The following TBX4 variants were observed in gnomAD, a reference collection of about 807,000 sequenced individuals.
TBX4 encodes the protein T-box transcription factor 4.
TBX4 carries 13 observed loss-of-function variants against 54.6 expected under a neutral mutation model. The ratio of observed to expected loss-of-function variants is 0.24; its 90% CI spans 0.15 to 0.38. The LOEUF (loss-of-function observed/expected upper bound fraction) is 0.38, where lower values mean the gene tolerates loss of function less well. Among genes scored for constraint, TBX4 ranks in the 10% least tolerant of loss-of-function variants. The pLI is 1.00. For missense variants in TBX4, 631 were observed against 728.5 expected (o/e 0.87, Z 1.54); for synonymous variants, 314 against 306.7 (o/e 1.02, Z -0.25).
chr17:61,457,989 AT>A lies in TBX4; in HGVS notation c.281+360del, dbSNP rs2060466529. Among the ~76,000 whole-genome samples, 1 of 152,186 alleles carries A rather than the reference AT, an allele frequency of 6.6e-6. No homozygotes were observed. The highest frequency in any genetic ancestry group is 1.5e-5 in the Non-Finnish European group (1 of 68,030). On this transcript the variant is annotated intron_variant, in intron 3 of 8. Coordinates refer to ENST00000644296, the MANE Select transcript of TBX4 (RefSeq NM_001321120.2). This position sits in a 1 kb window ranked among gnomAD's most constrained non-coding sequence, Gnocchi z 8.2. ...GAGGAGGTTTCTCAGGAATGCATTG[AT>A]TGGAGACCCAGAGATGCCTCTCAGC...
At chr17:61,455,369 G>A (rs978335373) in intron 1 of TBX4, among the ~76,000 whole-genome samples, 1 of 152,228 alleles carries the variant, frequency 6.6e-6, no homozygotes, top group African/African-American at 2.4e-5. Flanking sequence ...CAGACCTACA[G>A]AAAGCTCCGC....
rs1603250784 is a variant in TBX4 at position 61,465,258 on chromosome 17, G to C, written c.282-561G>C. ...AAGAACCCAAACCTAGCAGGGTTTTGGACAGCAGTCTCCTGTTTTCCTGCA... is the reference window on the plus strand; with the variant it reads ...AAGAACCCAAACCTAGCAGGGTTTTCGACAGCAGTCTCCTGTTTTCCTGCA... On this transcript the variant is annotated intron_variant, in intron 3 of 8. Coordinates refer to ENST00000644296, the MANE Select transcript of TBX4 (RefSeq NM_001321120.2). This position sits in a 1 kb window ranked among gnomAD's most constrained non-coding sequence, Gnocchi z 4.9. Among the ~76,000 whole-genome samples the C allele has an allele frequency of 6.6e-6, 1 of 152,192 alleles. No individual in the cohort carries two copies. Among genetic ancestry groups the C allele is most frequent in the Non-Finnish European group, 1.5e-5 (1 of 68,036 alleles).
At position 61,460,745 on chromosome 17, in the gene TBX4, T is replaced by C. The variant is rs1173861091; in HGVS notation, c.281+3114T>C. Among the ~76,000 whole-genome samples the C allele has an allele frequency of 2.6e-5, 4 of 152,104 alleles. No individual in the cohort carries two copies. The highest frequency in any genetic ancestry group is 1.3e-4 in the Admixed American group (2 of 15,278). On this transcript the variant is annotated intron_variant, in intron 3 of 8. Transcript: ENST00000644296. This position sits in a 1 kb window ranked among gnomAD's most constrained non-coding sequence, Gnocchi z 4.4. ...AGTGAGCTCCACAAAAAAATTTAAA[T>C]ATAAACCTCCCCAAAATGAAAATTG...
chr17:61,482,927 G>A lies in TBX4; in HGVS notation c.1052G>A (p.Cys351Tyr). The part of the protein sequence containing the change: ...ADGTRHLDLP[C>Y]KRSYLEAPSS... ...GGTACCCGCCACCTGGACTTACCTT[G>A]CAAGCGATCCTATCTGGAAGCCCCC... is the stretch of plus-strand genomic sequence containing the variant. Residue 351 changes from cysteine to tyrosine, a missense_variant, in exon 9 of 9, where the codon TGC (cysteine) becomes TAC (tyrosine). By Grantham distance (194) the Cys-to-Tyr change is radical. Coordinates refer to ENST00000644296, the MANE Select transcript of TBX4 (RefSeq NM_001321120.2). The A allele has an allele frequency of 1.2e-6, 2 of 1,613,854 alleles. No individual in the cohort carries two copies. Among genetic ancestry groups the A allele is most frequent in the Non-Finnish European group, 1.7e-6 (2 of 1,179,908 alleles).
At position 61,476,803 on chromosome 17, in the gene TBX4, T is replaced by C. The variant is rs2060623681; in HGVS notation, c.550-1824T>C. Among the ~76,000 whole-genome samples the C allele has an allele frequency of 6.6e-6, 1 of 152,204 alleles. No individual in the cohort carries two copies. Among genetic ancestry groups the C allele is most frequent in the African/African-American group, 2.4e-5 (1 of 41,442 alleles). ...GGCAGAAAGTGTGGTTCCTGCTGGATGGAGTCACCCAGCTCAACCGAGGAG... is the reference window on the plus strand; with the variant it reads ...GGCAGAAAGTGTGGTTCCTGCTGGACGGAGTCACCCAGCTCAACCGAGGAG... On this transcript the variant is annotated intron_variant, in intron 5 of 8. Transcript: ENST00000644296. The surrounding 1 kb of genome is among the most constrained non-coding windows in gnomAD (Gnocchi z 6.5).
At position 61,474,141 on chromosome 17, in the gene TBX4, G is replaced by A. The variant is rs2060600780; in HGVS notation, c.550-4486G>A. On this transcript the variant is annotated intron_variant, in intron 5 of 8. Transcript: ENST00000644296. This position sits in a 1 kb window ranked among gnomAD's most constrained non-coding sequence, Gnocchi z 4.6. The stretch of plus-strand genomic sequence containing the variant: ...GCTGGGGAGGATCAGAAGGATGATG[G>A]AGAAGGTAGTCACAGAAAATAAAAT... Among the ~76,000 whole-genome samples, 1 of 152,188 alleles carries A rather than the reference G, an allele frequency of 6.6e-6. No homozygotes were observed.
At position 61,457,766 on chromosome 17, in the gene TBX4, C is replaced by T. The variant is rs2060464013; in HGVS notation, c.281+135C>T. The T allele has an allele frequency of 1.2e-5, 10 of 815,680 alleles. No homozygotes were observed. The highest frequency in any genetic ancestry group is 2.0e-5 in the Non-Finnish European group (10 of 508,238). 50.5% of individuals were successfully genotyped at this position (815,680 alleles called of 1,614,324 possible). On this transcript the variant is annotated intron_variant, in intron 3 of 8. Coordinates refer to ENST00000644296, the MANE Select transcript of TBX4 (RefSeq NM_001321120.2). This position sits in a 1 kb window ranked among gnomAD's most constrained non-coding sequence, Gnocchi z 8.2. ...TCTGCCTCCTCGGGCGTCAGTGCCACCTCCCTTCGCAGCTTGGGACTGGGC... is the reference window on the plus strand; with the variant it reads ...TCTGCCTCCTCGGGCGTCAGTGCCATCTCCCTTCGCAGCTTGGGACTGGGC...
In TBX4 at chr17:61,465,792, C is replaced by A. The variant is rs1253389460; in HGVS notation, c.282-27C>A. 6.2e-7 allele frequency: 1 copy of A among 1,613,546 alleles called. No homozygotes were observed. Among genetic ancestry groups the A allele is most frequent in the South Asian group, 1.1e-5 (1 of 91,072 alleles). On this transcript the variant is annotated intron_variant, in intron 3 of 8. Transcript: ENST00000644296. This position sits in a 1 kb window ranked among gnomAD's most constrained non-coding sequence, Gnocchi z 4.9. ...TCTCTCCTGGTGCTCTGTCCACACG[C>A]TCCGCCTCACCCCTCGGCTCCCCCA...
chr17:61,465,183 G>C lies in TBX4; in HGVS notation c.282-636G>C, dbSNP rs931960740. On this transcript the variant is annotated intron_variant, in intron 3 of 8. Transcript: ENST00000644296. This position sits in a 1 kb window ranked among gnomAD's most constrained non-coding sequence, Gnocchi z 4.9. ...TTTCCCCTGATACTCAGGGTGCACA[G>C]GTCCAGGTGAGGTGTTCACAGGGAG... 3.3e-5 allele frequency among the ~76,000 whole-genome samples: 5 copies of C among 152,152 alleles called. No homozygotes were observed. The highest frequency in any genetic ancestry group is 1.2e-4 in the African/African-American group (5 of 41,416).
In TBX4 at chr17:61,461,570, C is replaced by A. The variant is rs1036159579; in HGVS notation, c.281+3939C>A. ...GCTCCAAGGCGCCTGTGTATGTGTA[C>A]ACACATATATAATTTTTAACCTAAA... On this transcript the variant is annotated intron_variant, in intron 3 of 8. Transcript: ENST00000644296. The surrounding 1 kb of genome is among the most constrained non-coding windows in gnomAD (Gnocchi z 5.1). Among the ~76,000 whole-genome samples, 10 of 152,152 alleles carry A rather than the reference C, an allele frequency of 6.6e-5. No homozygotes were observed. The highest frequency in any genetic ancestry group is 6.5e-4 in the Admixed American group (10 of 15,278).
chr17:61,456,788 G>A, intron 2 of TBX4, 112 bp downstream of exon 2: 2 of 831,744 alleles, frequency 2.4e-6, no homozygotes, highest in Non-Finnish European at 3.2e-6. Context: ...GGAGGACCTG[G>A]CTGCATTCAG....
rs550334195 is a variant in TBX4, at chr17:61,480,153, A to G, written c.855A>G (p.Ser285=). Reference sequence around the variant, plus strand: ...AGAGGCTCATCTCCCCCCAGCTCTCAGCCACACCGGACGTGGGCCCCCTGC... The same window carrying G: ...AGAGGCTCATCTCCCCCCAGCTCTCGGCCACACCGGACGTGGGCCCCCTGC... The part of the protein sequence containing the change: ...MRQRLISPQL[S]ATPDVGPLLG... The change falls in exon 8 of 9, where the codon TCA becomes TCG. Residue 285 remains serine, a synonymous_variant. Transcript: ENST00000644296. This position sits in a 1 kb window ranked among gnomAD's most constrained non-coding sequence, Gnocchi z 6.2. 2 of 1,614,040 alleles carry G rather than the reference A, an allele frequency of 1.2e-6. No individual in the cohort carries two copies. Among genetic ancestry groups the G allele is most frequent in the South Asian group, 2.2e-5 (2 of 91,070 alleles).
intron 5 of TBX4, among the ~76,000 whole-genome samples, chr17:61,477,955 A>G (rs574586788): frequency 3.8e-4 from 58 of 151,538 alleles, no homozygotes; most frequent in African/African-American, 1.1e-3. Context: ...AAAAAAAAAA[A>G]AAAAGAAAAA....
chr17:61,453,494 AC>A (rs1344487452), intron 1 of TBX4, among the ~76,000 whole-genome samples: 1 of 152,202 alleles, frequency 6.6e-6, no homozygotes, highest in Non-Finnish European at 1.5e-5. Flanking sequence ...ATAAATAAAG[AC>A]ATATTAACAA....
rs980448361 is a variant in TBX4, at chr17:61,474,617, G to C, written c.550-4010G>C. Among the ~76,000 whole-genome samples, 8 of 152,210 alleles carry C rather than the reference G, an allele frequency of 5.3e-5. No homozygotes were observed. Among genetic ancestry groups the C allele is most frequent in the African/African-American group, 1.7e-4 (7 of 41,450 alleles). Reference sequence around the variant, plus strand: ...AATTGCAGTTGTTAAAATAGAACAGGCTTCTGAATTGTGGCCAGAACATAA... The same window carrying C: ...AATTGCAGTTGTTAAAATAGAACAGCCTTCTGAATTGTGGCCAGAACATAA... On this transcript the variant is annotated intron_variant, in intron 5 of 8. Coordinates refer to ENST00000644296, the MANE Select transcript of TBX4 (RefSeq NM_001321120.2). This position sits in a 1 kb window ranked among gnomAD's most constrained non-coding sequence, Gnocchi z 4.6.
Position 61,459,291 on chromosome 17 carries a change from G to A in TBX4, c.281+1660G>A, listed in dbSNP as rs577305208. Reference sequence around the variant, plus strand: ...AATGGTGACCGTAGACCTATCTGCTGTCCCTTCCTTTTCTATCACTGTGAA... The same window carrying A: ...AATGGTGACCGTAGACCTATCTGCTATCCCTTCCTTTTCTATCACTGTGAA... On this transcript the variant is annotated intron_variant, in intron 3 of 8. Transcript: ENST00000644296. The surrounding 1 kb of genome is among the most constrained non-coding windows in gnomAD (Gnocchi z 4.8). 5.3e-4 allele frequency among the ~76,000 whole-genome samples: 81 copies of A among 152,328 alleles called. No individual in the cohort carries two copies. Among genetic ancestry groups the A allele is most frequent in the Non-Finnish European group, 1.0e-4 (7 of 68,034 alleles).
rs2060588618 is a variant in TBX4, at chr17:61,472,620, ATTGACCAGTCTT to A, written c.549+4966_549+4977del. 1.3e-5 allele frequency among the ~76,000 whole-genome samples: 2 copies of A among 152,188 alleles called. No individual in the cohort carries two copies. Among genetic ancestry groups the A allele is most frequent in the African/African-American group, 4.8e-5 (2 of 41,442 alleles). ...TTCCCACACCGATGCTTTTGATTGA[ATTGACCAGTCTT>A]TTCCTTATAGATTTTGGATTTTGAG... On this transcript the variant is annotated intron_variant, in intron 5 of 8. Transcript: ENST00000644296. The surrounding 1 kb of genome is among the most constrained non-coding windows in gnomAD (Gnocchi z 4.5).
In TBX4 at chr17:61,472,193, A is replaced by G. The variant is rs1225974361; in HGVS notation, c.549+4536A>G. On this transcript the variant is annotated intron_variant, in intron 5 of 8. Coordinates refer to ENST00000644296, the MANE Select transcript of TBX4 (RefSeq NM_001321120.2). This position sits in a 1 kb window ranked among gnomAD's most constrained non-coding sequence, Gnocchi z 4.5. ...GCTGTGCCAAGTATATCTGTGAGATAAATGGCCTGTTCAAAGGGTACGTGG... is the reference window on the plus strand; with the variant it reads ...GCTGTGCCAAGTATATCTGTGAGATGAATGGCCTGTTCAAAGGGTACGTGG... Among the ~76,000 whole-genome samples the G allele has an allele frequency of 6.6e-6, 1 of 152,222 alleles. No homozygotes were observed. The highest frequency in any genetic ancestry group is 1.5e-5 in the Non-Finnish European group (1 of 68,046).
In TBX4 at chr17:61,480,970, G is replaced by A. The variant is rs535150958; in HGVS notation, c.1021+651G>A. ...TCCATGGATAGAATTGCAATGATTC[G>A]TGTTACTCCACCAGAAGACCTCATG... On this transcript the variant is annotated intron_variant, in intron 8 of 8. Transcript: ENST00000644296. This position sits in a 1 kb window ranked among gnomAD's most constrained non-coding sequence, Gnocchi z 6.2. Among the ~76,000 whole-genome samples the A allele has an allele frequency of 1.4e-4, 22 of 152,298 alleles. No individual in the cohort carries two copies. The South Asian group carries it at 3.9e-3, about 27-fold the overall frequency.
Sources: allele counts gnomAD v4.1 joint callset (sites outside exome capture counted in the v4.1 genomes callset), GRCh38; gene constraint gnomAD v4.1.1; non-coding constraint Gnocchi (gnomAD v3.1); transcripts MANE v1.5; gene names NCBI Gene and HGNC (gene_info 2026-07-23, HGNC 2026-07-21).